Variants in XKR4 observed in about 807,000 individuals in gnomAD.
XKR4 encodes XK related 4, also known as XK-related protein 4.
In XKR4, 12 loss-of-function variants were observed where a neutral mutation model predicts 53.9. The observed-to-expected ratio is 0.22, with a 90% CI of 0.14 to 0.36. XKR4 has a LOEUF of 0.36. Ranked by LOEUF, XKR4 falls within the 10% of genes least tolerant of loss-of-function variation. The probability of loss-of-function intolerance (pLI) is 1.00; values close to 1 mark genes in which losing one functional copy is unlikely to be tolerated. For synonymous variants in XKR4, 354 were observed against 362.4 expected, an observed-to-expected ratio of 0.98 and a Z score of 0.26; for missense variants, 799 against 859.5, an observed-to-expected ratio of 0.93 and a Z score of 0.88.
intron 1 of XKR4, among the ~76,000 whole-genome samples, chr8:55,329,071 G>C (rs1803343996): frequency 6.6e-6 from 1 of 152,046 alleles, no homozygotes; most frequent in Non-Finnish European, 1.5e-5. Flanking sequence ...AATATGCATT[G>C]AATCTTCATA....
intron 1 of XKR4, among the ~76,000 whole-genome samples, chr8:55,271,173 C>T (rs1255193869): frequency 6.6e-6 from 1 of 152,096 alleles, no homozygotes; most frequent in African/African-American, 2.4e-5. Flanking sequence ...TCTTCTTTCT[C>T]ACCTCCCACC....
chr8:55,523,806 C>T lies in XKR4; in HGVS notation c.1532C>T (p.Ala511Val). 1.2e-6 allele frequency: 2 copies of T among 1,614,180 alleles called. No individual in the cohort carries two copies. The highest frequency in any genetic ancestry group is 1.7e-6 in the Non-Finnish European group (2 of 1,180,038). ...TGVVFMLMYY[A>V]FFHPNGPRFG... is the part of the protein sequence containing the mutation. ...GTTGTTTTTATGCTGATGTATTATGCCTTCTTTCATCCCAATGGACCCAGA... is the reference window on the plus strand; with the variant it reads ...GTTGTTTTTATGCTGATGTATTATGTCTTCTTTCATCCCAATGGACCCAGA... The change falls in exon 3 of 3, where the codon GCC (alanine) becomes GTC (valine). Residue 511 changes from alanine (A) to valine (V), a missense_variant. Physicochemically the swap from Ala to Val is moderately conservative, Grantham distance 64. Transcript: ENST00000327381.
intron 2 of XKR4, among the ~76,000 whole-genome samples, chr8:55,513,238 A>T (rs1806655319): frequency 6.6e-6 from 1 of 152,190 alleles, no homozygotes; most frequent in Non-Finnish European, 1.5e-5. Context: ...TCTCCCAGGG[A>T]TGCACTCATT....
intron 1 of XKR4, among the ~76,000 whole-genome samples, chr8:55,352,290 A>C (rs1803735295): frequency 6.6e-6 from 1 of 152,210 alleles, no homozygotes; most frequent in South Asian, 2.1e-4. Context: ...GGGCAGGAGA[A>C]CCACATGAGC....
chr8:55,486,393 A>C (rs893217972), intron 2 of XKR4, among the ~76,000 whole-genome samples: 8 of 152,246 alleles, frequency 5.3e-5, no homozygotes, highest in Non-Finnish European at 8.8e-5. Flanking sequence ...TTATTGAGGA[A>C]GTTTTAATGT....
At chr8:55,237,475 A>G (rs1458716795) in intron 1 of XKR4, among the ~76,000 whole-genome samples, 1 of 152,230 alleles carries the variant, frequency 6.6e-6, no homozygotes, top group African/African-American at 2.4e-5. Context: ...CATTGAGTGG[A>G]AGTGGATTAT....
chr8:55,108,460 ATG>A (rs1816185746), intron 1 of XKR4, among the ~76,000 whole-genome samples: 1 of 152,166 alleles, frequency 6.6e-6, no homozygotes, highest in South Asian at 2.1e-4. Flanking sequence ...TGACTCAGTC[ATG>A]TCTCTGTCAT....
intron 1 of XKR4, among the ~76,000 whole-genome samples, chr8:55,259,733 G>A (rs1345146616): frequency 6.6e-6 from 1 of 152,196 alleles, no homozygotes; most frequent in Admixed American, 6.5e-5. Context: ...GCACTTTTCA[G>A]TGGAGAACCG....
intron 1 of XKR4, among the ~76,000 whole-genome samples, chr8:55,295,203 A>C (rs1211412233): frequency 6.6e-6 from 1 of 152,182 alleles, no homozygotes; most frequent in Non-Finnish European, 1.5e-5. Flanking sequence ...CAAGCTCCAC[A>C]TAGGAGGGAA....
At position 55,531,572 on chromosome 8, in the gene XKR4, T is replaced by G. The variant is rs1806953146; in HGVS notation, c.*7345T>G. ...ATTTTATAATTTGTTTATATGACTC[T>G]CCAACACTAGATATTTTTAAATTGA... is the stretch of plus-strand genomic sequence containing the variant. On this transcript the variant is annotated 3_prime_UTR_variant, in exon 3 of 3. Transcript: ENST00000327381. The G allele has an allele frequency of 6.6e-6, 1 of 152,058 alleles. No individual in the cohort carries two copies. Among genetic ancestry groups the G allele is most frequent in the Admixed American group, 6.5e-5 (1 of 15,272 alleles). The allele number at this position is 152,058 out of a possible 1,614,324, so 9.4% of individuals were successfully genotyped here. A position where few individuals can be genotyped will look rare whatever the true frequency, so the allele number is the denominator to read the frequency against.
intron 1 of XKR4, among the ~76,000 whole-genome samples, chr8:55,261,962 G>C (rs1265044733): frequency 1.3e-5 from 2 of 151,988 alleles, no homozygotes; most frequent in Non-Finnish European, 2.9e-5. Flanking sequence ...CTGGAAGAGA[G>C]ATGGTTATTA....
chr8:55,315,513 G>A (rs7008751), intron 1 of XKR4, among the ~76,000 whole-genome samples: 96,880 of 151,992 alleles, frequency 0.64, 32,991 homozygotes, highest in African/African-American at 0.89. Flanking sequence ...CTCAGCACCC[G>A]TTTGAATGGG....
intron 2 of XKR4, among the ~76,000 whole-genome samples, 153 bp from the exon 3 acceptor site, chr8:55,523,128 C>A (rs540642836): frequency 7.1e-6 from 1 of 141,276 alleles, no homozygotes; most frequent in Non-Finnish European, 1.5e-5. Flanking sequence ...GGCAACAGAG[C>A]GAGACTCTGT....
intron 2 of XKR4, among the ~76,000 whole-genome samples, chr8:55,422,351 A>G (rs1804947874): frequency 6.6e-6 from 1 of 152,248 alleles, no homozygotes; most frequent in African/African-American, 2.4e-5. Context: ...CATACAGTAG[A>G]CATATAGTGT....
chr8:55,515,359 C>T (rs1478158549), intron 2 of XKR4, among the ~76,000 whole-genome samples: 1 of 152,166 alleles, frequency 6.6e-6, no homozygotes, highest in Non-Finnish European at 1.5e-5. Context: ...CCTTCCTTCC[C>T]TTCACTGCAC....
chr8:55,289,607 A>AAG (rs1274542953), intron 1 of XKR4, among the ~76,000 whole-genome samples: 20 of 126,974 alleles, frequency 1.6e-4, no homozygotes, highest in African/African-American at 5.0e-4. Context: ...GAAAGAAAGA[A>AAG]AGAAAGAAAG....
chr8:55,481,946 T>C (rs1236183346), intron 2 of XKR4, among the ~76,000 whole-genome samples: 1 of 152,212 alleles, frequency 6.6e-6, no homozygotes, highest in African/African-American at 2.4e-5. Flanking sequence ...CCACTGTTGG[T>C]GGGACTGTAA....
At chr8:55,333,069 T>C (rs1803404100) in intron 1 of XKR4, among the ~76,000 whole-genome samples, 1 of 152,110 alleles carries the variant, frequency 6.6e-6, no homozygotes, top group African/African-American at 2.4e-5. Flanking sequence ...ATTTCTCTTT[T>C]TAAAAATTTT....
chr8:55,119,274 G>A (rs965866043), intron 1 of XKR4, among the ~76,000 whole-genome samples: 5 of 152,110 alleles, frequency 3.3e-5, no homozygotes, highest in Admixed American at 1.3e-4. Context: ...CCCATACTGG[G>A]AAGTCCCTCC....
Sources: allele counts gnomAD v4.1 joint callset (sites outside exome capture counted in the v4.1 genomes callset), GRCh38; gene constraint gnomAD v4.1.1; transcripts MANE v1.5; gene names NCBI Gene and HGNC (gene_info 2026-07-23, HGNC 2026-07-21).